MAN2B2: variants seen among roughly 807,000 people sequenced by gnomAD.
MAN2B2 encodes the protein epididymis-specific alpha-mannosidase.
MAN2B2 carries 106 observed loss-of-function variants against 117.1 expected under a neutral mutation model. The ratio of observed to expected loss-of-function variants is 0.90; its 90% confidence interval spans 0.77 to 1.06. The LOEUF (loss-of-function observed/expected upper bound fraction) is 1.06, where lower values mean the gene tolerates loss of function less well. MAN2B2 is among the 50% of genes least tolerant of loss of function. The probability of loss-of-function intolerance (pLI) is 0.00; values close to 1 mark genes in which losing one functional copy is unlikely to be tolerated. For missense variants in MAN2B2, 1,326 were observed against 1,381.4 expected, an observed-to-expected ratio of 0.96 and a Z score of 0.64; for synonymous variants, 544 against 595.1, an observed-to-expected ratio of 0.91 and a Z score of 1.25.
At chr4:6,609,027 GGA>G in intron 11 of MAN2B2, 78 bp from the exon 12 acceptor site, 2 of 1,366,032 alleles carry the variant, frequency 1.5e-6, no homozygotes, top group Non-Finnish European at 2.0e-6. Flanking sequence ...GATGGCATCT[GGA>G]GAGAGAGGCT....
intron 15 of MAN2B2, among the ~76,000 whole-genome samples, chr4:6,611,857 TTCTAA>T (rs984156636): frequency 1.3e-5 from 2 of 152,178 alleles, no homozygotes; most frequent in Admixed American, 1.3e-4. Context: ...GTGGGGGTCT[TTCTAA>T]TCTATAGTCT....
chr4:6,610,173 T>A (rs561580279), intron 13 of MAN2B2, 123 bp downstream of exon 13: 154 of 1,378,812 alleles, frequency 1.1e-4, no homozygotes, highest in Middle Eastern at 7.4e-4. Context: ...TTCCTTTTTT[T>A]TAAGATGGAG....
intron 6 of MAN2B2, 109 bp downstream of exon 6, chr4:6,593,459 T>C: frequency 8.8e-7 from 1 of 1,142,170 alleles, no homozygotes; most frequent in Non-Finnish European, 1.2e-6. Flanking sequence ...TAGGCAGCCA[T>C]GCTCAGCCCA....
intron 8 of MAN2B2, among the ~76,000 whole-genome samples, 184 bp from the exon 9 acceptor site, chr4:6,598,014 T>C (rs1441770732): frequency 6.6e-6 from 1 of 152,172 alleles, no homozygotes; most frequent in Non-Finnish European, 1.5e-5. Context: ...GCAGGAAAAG[T>C]TGGGCGAGCT....
In MAN2B2 at chr4:6,594,580, T is replaced by G; in HGVS notation, c.905T>G (p.Met302Arg). The change falls in exon 7 of 19, where the codon ATG (methionine) becomes AGG (arginine). Residue 302 changes from methionine (M) to arginine (R), a missense_variant. Coordinates refer to ENST00000285599, the MANE Select transcript of MAN2B2 (RefSeq NM_015274.3). ...AATGCCTCGGTGCAGTTTGCCAACA[T>G]GGACCCGCTGCTGGACCACATCAAC... is the stretch of plus-strand genomic sequence containing the variant. ...FFNASVQFAN[M>R]DPLLDHINSH... is the part of the protein sequence containing the mutation. 1 of 1,613,746 alleles carries G rather than the reference T, an allele frequency of 6.2e-7. No homozygotes were observed. The highest frequency in any genetic ancestry group is 8.5e-7 in the Non-Finnish European group (1 of 1,180,022).
chr4:6,617,401 C>G lies in MAN2B2; in HGVS notation c.2723C>G (p.Ala908Gly). ...AAAGGCCATCGAGGGGAAGCCCAGGCTGACCTCCGCCGTGTCCTGCTGCGG... is the reference window on the plus strand; with the variant it reads ...AAAGGCCATCGAGGGGAAGCCCAGGGTGACCTCCGCCGTGTCCTGCTGCGG... ...LRKGHRGEAQ[A>G]DLRRVLLRLY... Residue 908 changes from alanine (A) to glycine (G), a missense_variant, in exon 17 of 19, where the codon GCT (alanine) becomes GGT (glycine). Coordinates refer to ENST00000285599, the MANE Select transcript of MAN2B2 (RefSeq NM_015274.3). The G allele has an allele frequency of 6.2e-7, 1 of 1,614,122 alleles. No individual in the cohort carries two copies. The highest frequency in any genetic ancestry group is 8.5e-7 in the Non-Finnish European group (1 of 1,179,990).
At chr4:6,617,867 G>A in intron 17 of MAN2B2, 1 of 187,254 alleles carries the variant, frequency 5.3e-6, no homozygotes, top group Non-Finnish European at 1.0e-5. Context: ...TTTTTTTTGA[G>A]ACCGAGTTTC....
chr4:6,595,704 T>A (rs1727050570), intron 7 of MAN2B2, among the ~76,000 whole-genome samples: 1 of 152,222 alleles, frequency 6.6e-6, no homozygotes, highest in Admixed American at 6.5e-5. Flanking sequence ...CAATGGCAAT[T>A]AAATTTTAAC....
intron 11 of MAN2B2, among the ~76,000 whole-genome samples, chr4:6,607,885 C>T (rs550443930): frequency 2.6e-5 from 4 of 152,322 alleles, no homozygotes; most frequent in Non-Finnish European, 4.4e-5. Context: ...CACATCCTCG[C>T]CCACACTTGT....
intron 18 of MAN2B2, 112 bp from the exon 19 acceptor site, chr4:6,621,076 G>A (rs1366600440): frequency 8.2e-6 from 6 of 735,190 alleles, no homozygotes; most frequent in Non-Finnish European, 1.4e-5. Flanking sequence ...GTGCAGGAGG[G>A]TGAGAGGGAG....
At position 6,597,129 on chromosome 4, in the gene MAN2B2, G is replaced by A. The variant is rs761854271; in HGVS notation, c.1074G>A (p.Trp358Ter). Residue 358 changes from tryptophan to a stop codon, truncating the protein, a stop_gained, in exon 8 of 19, where the codon TGG becomes TGA. Transcript: ENST00000285599. LOFTEE classifies it high-confidence loss of function. Reference sequence around the variant, plus strand: ...GTCTCCCAGAACCATTCCAGGCCTGGACGGGCTTCTACACGTCCCGCAGCT... The same window carrying A: ...GTCTCCCAGAACCATTCCAGGCCTGAACGGGCTTCTACACGTCCCGCAGCT... ...LPYSTEPFQA[W>*]TGFYTSRSSL... 9.9e-6 allele frequency: 16 copies of A among 1,613,332 alleles called. 1 individual carries two copies. The South Asian group carries it at 1.6e-4, about 17-fold the overall frequency.
intron 3 of MAN2B2, among the ~76,000 whole-genome samples, chr4:6,579,331 C>T (rs929701869): frequency 1.3e-3 from 110 of 84,552 alleles, no homozygotes; most frequent in East Asian, 4.7e-3. Flanking sequence ...ACCACCACCA[C>T]CACCACCACC....
rs912983206 is a variant in MAN2B2, at chr4:6,609,985, GACA to G, written c.2200_2202del (p.Asn734del). 3 of 1,614,166 alleles carry G rather than the reference GACA, an allele frequency of 1.9e-6. No homozygotes were observed. Among genetic ancestry groups the G allele is most frequent in the Middle Eastern group, 1.6e-4 (1 of 6,062 alleles). ...AAACAGCCAGCAGGTCATCTACTCAGACAACAACGGCTACCAGATGCAGCGGAG... is the reference window on the plus strand; with the variant it reads ...AAACAGCCAGCAGGTCATCTACTCAGACAACGGCTACCAGATGCAGCGGAG... On this transcript the variant is annotated inframe_deletion, in exon 13 of 19. Coordinates refer to ENST00000285599, the MANE Select transcript of MAN2B2 (RefSeq NM_015274.3).
rs10714839 is a variant in MAN2B2, at chr4:6,623,346, CA to C, written c.*2077del. ...GGGTGACAAGAGTGAGACTCCGTCT[CA>C]AAAAAAAAAAAAAAAGGAAGACTAC... is the stretch of plus-strand genomic sequence containing the variant. On this transcript the variant is annotated 3_prime_UTR_variant, in exon 19 of 19. Coordinates refer to ENST00000285599, the MANE Select transcript of MAN2B2 (RefSeq NM_015274.3). The C allele has an allele frequency of 0.96, 142,764 of 148,262 alleles. 69,035 individuals carry two copies. The highest frequency in any genetic ancestry group is 1 in the South Asian group (4,731 of 4,734). The allele number at this position is 148,262 out of a possible 1,614,324, so 9.2% of individuals were successfully genotyped here. A position where few individuals can be genotyped will look rare whatever the true frequency, so the allele number is the denominator to read the frequency against.
intron 15 of MAN2B2, among the ~76,000 whole-genome samples, chr4:6,612,686 T>A (rs1711624949): frequency 6.6e-6 from 1 of 152,232 alleles, no homozygotes. Flanking sequence ...CAGTCAGTGG[T>A]TCCTTCTGTG....
Position 6,597,307 on chromosome 4 carries a change from ACAC to A in MAN2B2, c.1248+8_1248+10del. ...GCTTCGCTGGGCCGTCTCCGAGGTA[ACAC>A]CACATTTAGCCACAGTGGCAGGATT... is the stretch of plus-strand genomic sequence containing the variant. On this transcript the variant is annotated splice_donor_5th_base_variant and intron_variant, in intron 8 of 18. Coordinates refer to ENST00000285599, the MANE Select transcript of MAN2B2 (RefSeq NM_015274.3). 6.5e-7 allele frequency: 1 copy of A among 1,534,758 alleles called. No individual in the cohort carries two copies. The highest frequency in any genetic ancestry group is 8.8e-7 in the Non-Finnish European group (1 of 1,139,598).
At chr4:6,579,033 CTACCACCATCACCACCAT>C (rs1726190555) in intron 3 of MAN2B2, among the ~76,000 whole-genome samples, 13 of 91,542 alleles carry the variant, frequency 1.4e-4, no homozygotes, top group Non-Finnish European at 1.3e-4. Context: ...ACCATCACCA[CTACCACCATCACCACCAT>C]CACCACCACC....
chr4:6,582,556 T>A (rs1726476920), intron 3 of MAN2B2, among the ~76,000 whole-genome samples: 1 of 152,134 alleles, frequency 6.6e-6, no homozygotes, highest in South Asian at 2.1e-4. Context: ...GCCAGGCTGG[T>A]CTTGAACTCC....
chr4:6,611,007 G>C lies in MAN2B2; in HGVS notation c.2370+17G>C, dbSNP rs780479622. The C allele has an allele frequency of 2.5e-6, 4 of 1,613,774 alleles. No homozygotes were observed. The highest frequency in any genetic ancestry group is 3.4e-6 in the Non-Finnish European group (4 of 1,179,710). On this transcript the variant is annotated intron_variant, in intron 14 of 18. Transcript: ENST00000285599. Reference sequence around the variant, plus strand: ...CAGGTGGAGGTAGGAGGCACGGTCTGTCCTACAGCAGCCCCTCGCGGCCCC... The same window carrying C: ...CAGGTGGAGGTAGGAGGCACGGTCTCTCCTACAGCAGCCCCTCGCGGCCCC...
Sources: gnomAD v4.1 joint callset for allele counts (sites outside exome capture counted in the v4.1 genomes callset) on GRCh38, gnomAD v4.1.1 for gene constraint, MANE v1.5 for transcripts, NCBI Gene and HGNC (gene_info 2026-07-23, HGNC 2026-07-21) for gene names.